Variants in IL22RA1 observed in about 807,000 individuals in gnomAD.
IL22RA1 encodes interleukin 22 receptor subunit alpha 1, also known as interleukin-22 receptor subunit alpha-1.
IL22RA1 carries 25 observed loss-of-function variants against 32.8 expected under a neutral mutation model. The ratio of observed to expected loss-of-function variants is 0.76; its 90% confidence interval spans 0.55 to 1.06. The LOEUF (loss-of-function observed/expected upper bound fraction) is 1.06. Ranked by LOEUF, IL22RA1 falls within the 50% of genes least tolerant of loss-of-function variation. The probability of loss-of-function intolerance (pLI) is 0.00; values close to 1 mark genes in which losing one functional copy is unlikely to be tolerated. For missense variants in IL22RA1, 709 were observed against 727.4 expected, an observed-to-expected ratio of 0.97 and a Z score of 0.29; for synonymous variants, 305 against 305.0, an observed-to-expected ratio of 1.00 and a Z score of 0.00.
chr1:24,134,961 A>C (rs1360853301), intron 3 of IL22RA1: 1 of 330,272 alleles, frequency 3.0e-6, no homozygotes, highest in Non-Finnish European at 4.3e-6. Flanking sequence ...ATATACAAAA[A>C]TCTTGCATCC....
chr1:24,128,896 C>G (rs77177740), intron 4 of IL22RA1, among the ~76,000 whole-genome samples: 2,070 of 152,226 alleles, frequency 0.014, 39 homozygotes, highest in African/African-American at 0.045. Context: ...ATGGCCTCAC[C>G]CATATTTACA....
At position 24,138,627 on chromosome 1, in the gene IL22RA1, C is replaced by A. The variant is rs565339804; in HGVS notation, c.131G>T (p.Gly44Val). The A allele has an allele frequency of 3.7e-6, 6 of 1,614,098 alleles. No individual in the cohort carries two copies. In the South Asian group the frequency reaches 6.6e-5, roughly 18 times the overall value. Reference protein sequence around the residue: ...NFENILTWDSGPEGTPDTVYS... With the variant: ...NFENILTWDSVPEGTPDTVYS... The stretch of plus-strand genomic sequence containing the variant: ...GACCGTGTCTGGGGTGCCCTCCGGC[C>A]CGCTGTCCCACGTCAGGATGTTTTC... The change falls in exon 2 of 7, where the codon GGG becomes GTG. Residue 44 changes from glycine (G) to valine (V), a missense_variant. Physicochemically the swap from Gly to Val is moderately radical, Grantham distance 109. Transcript: ENST00000270800.
chr1:24,122,413 T>G (rs1644131345), intron 6 of IL22RA1, among the ~76,000 whole-genome samples: 1 of 149,002 alleles, frequency 6.7e-6, no homozygotes. Context: ...GGGTGGGGGG[T>G]GGTTCTGGTC....
chr1:24,138,796 C>T, intron 1 of IL22RA1, 82 bp from the exon 2 acceptor site: 1 of 1,500,724 alleles, frequency 6.7e-7, no homozygotes. Context: ...GAGTCCTGCC[C>T]CATATAAATT....
At position 24,128,121 on chromosome 1, in the gene IL22RA1, C is replaced by T. The variant is rs1644177445; in HGVS notation, c.670+20G>A. On this transcript the variant is annotated intron_variant, in intron 5 of 6. Coordinates refer to ENST00000270800, the MANE Select transcript of IL22RA1 (RefSeq NM_021258.4). Reference sequence around the variant, plus strand: ...TTGAATTCGGGAGCCCCACCTCCCTCTGGTTTCAGCCGAACTCACCTGGCA... The same window carrying T: ...TTGAATTCGGGAGCCCCACCTCCCTTTGGTTTCAGCCGAACTCACCTGGCA... 2 of 1,496,994 alleles carry T rather than the reference C, an allele frequency of 1.3e-6. No homozygotes were observed. The highest frequency in any genetic ancestry group is 2.9e-5 in the African/African-American group (2 of 70,098). The allele number at this position is 1,496,994 out of a possible 1,614,324, so 92.7% of individuals were successfully genotyped here.
chr1:24,121,724 A>T lies in IL22RA1; in HGVS notation c.806T>A (p.Val269Asp), dbSNP rs1440726523. Residue 269 changes from valine (V) to aspartate (D), a missense_variant, in exon 7 of 7, where the codon GTC becomes GAC. Physicochemically the swap from Val to Asp is radical, Grantham distance 152. Coordinates refer to ENST00000270800, the MANE Select transcript of IL22RA1 (RefSeq NM_021258.4). ...GAAGCGCAGCGGCTGGAAAGTCAGG[A>T]CTCGCTGGACGTTCTGTGCAGGGAC... ...APPNSLNVQR[V>D]LTFQPLRFIQ... 1.3e-6 allele frequency: 2 copies of T among 1,537,368 alleles called. No individual in the cohort carries two copies. The highest frequency in any genetic ancestry group is 2.7e-5 in the African/African-American group (2 of 73,062).
At chr1:24,122,879 C>A (rs903416319) in intron 6 of IL22RA1, among the ~76,000 whole-genome samples, 1 of 152,298 alleles carries the variant, frequency 6.6e-6, no homozygotes, top group Middle Eastern at 3.4e-3. Context: ...GAAACTCTGG[C>A]TTCTCTTGAA....
At chr1:24,133,595 T>C (rs866804042) in intron 4 of IL22RA1, among the ~76,000 whole-genome samples, 12 of 152,232 alleles carry the variant, frequency 7.9e-5, no homozygotes, top group Non-Finnish European at 1.3e-4. Context: ...CCACATTGCC[T>C]GTATATAGTT....
chr1:24,131,286 G>A (rs74060510), intron 4 of IL22RA1, among the ~76,000 whole-genome samples: 2,341 of 152,314 alleles, frequency 0.015, 78 homozygotes, highest in African/African-American at 0.053. Context: ...GAATAGGCAA[G>A]TAACACCTGA....
chr1:24,132,575 G>C (rs868200184), intron 4 of IL22RA1, among the ~76,000 whole-genome samples: 3 of 151,734 alleles, frequency 2.0e-5, no homozygotes, highest in African/African-American at 7.3e-5. Flanking sequence ...CTCGTGATCC[G>C]CCCGCCTCGG....
rs772297728 is a variant in IL22RA1, at chr1:24,128,247, G to T, written c.564C>A (p.Phe188Leu). Residue 188 changes from phenylalanine (F) to leucine (L), a missense_variant, in exon 5 of 7, where the codon TTC becomes TTA. Physicochemically the swap from Phe to Leu is conservative, Grantham distance 22 (BLOSUM62 0). Transcript: ENST00000270800. The part of the protein sequence containing the change: ...HLGGKQREYE[F>L]FGLTPDTEFL... Reference sequence around the variant, plus strand: ...ACTCTGTGTCAGGGGTCAGGCCGAAGAACTCATATTCTCTCTGCTTCCCTC... The same window carrying T: ...ACTCTGTGTCAGGGGTCAGGCCGAATAACTCATATTCTCTCTGCTTCCCTC... 6.2e-7 allele frequency: 1 copy of T among 1,612,130 alleles called. No homozygotes were observed. The highest frequency in any genetic ancestry group is 1.3e-5 in the African/African-American group (1 of 74,702).
chr1:24,139,269 A>ATTAGTACT (rs1490052865), intron 1 of IL22RA1, among the ~76,000 whole-genome samples: 1 of 152,174 alleles, frequency 6.6e-6, no homozygotes, highest in Non-Finnish European at 1.5e-5. Flanking sequence ...GGTAGCATGG[A>ATTAGTACT]TTAGTACTTC....
intron 3 of IL22RA1, among the ~76,000 whole-genome samples, chr1:24,135,117 A>G (rs1372123028): frequency 1.3e-5 from 2 of 152,230 alleles, no homozygotes; most frequent in African/African-American, 4.8e-5. Flanking sequence ...ACTGAGCTGT[A>G]TGTCCTCAAA....
intron 4 of IL22RA1, among the ~76,000 whole-genome samples, chr1:24,133,272 CTA>C (rs1644219100): frequency 6.6e-6 from 1 of 151,860 alleles, no homozygotes; most frequent in African/African-American, 2.4e-5. Flanking sequence ...TTTTGGCTTC[CTA>C]AAAGTTTTCT....
intron 2 of IL22RA1, 145 bp from the exon 3 acceptor site, chr1:24,137,454 T>C (rs1644250244): frequency 1.5e-6 from 1 of 646,814 alleles, no homozygotes; most frequent in Admixed American, 2.8e-5. Context: ...CTCATTTTGT[T>C]CTCACAATGA....
chr1:24,120,357 C>T lies in IL22RA1; in HGVS notation c.*448G>A, dbSNP rs967686822. The T allele has an allele frequency of 1.9e-5, 3 of 154,928 alleles. No individual in the cohort carries two copies. Among genetic ancestry groups the T allele is most frequent in the Non-Finnish European group, 4.3e-5 (3 of 70,010 alleles). The allele number at this position is 154,928 out of a possible 1,614,324, so 9.6% of individuals were successfully genotyped here. A position where few individuals can be genotyped will look rare whatever the true frequency, so the allele number is the denominator to read the frequency against. ...GCCTGGTTCTTTTCCAGGCTCTCTT[C>T]CCACCTTTGAACAATGACAGAAGAG... is the stretch of plus-strand genomic sequence containing the variant. On this transcript the variant is annotated 3_prime_UTR_variant, in exon 7 of 7. Coordinates refer to ENST00000270800, the MANE Select transcript of IL22RA1 (RefSeq NM_021258.4).
chr1:24,130,259 C>T (rs1644195777), intron 4 of IL22RA1, among the ~76,000 whole-genome samples: 1 of 152,232 alleles, frequency 6.6e-6, no homozygotes, highest in South Asian at 2.1e-4. Context: ...TAGACAGAAA[C>T]CCTTTATTCT....
intron 5 of IL22RA1, among the ~76,000 whole-genome samples, chr1:24,124,177 A>C (rs1428635342): frequency 6.6e-6 from 1 of 152,162 alleles, no homozygotes; most frequent in African/African-American, 2.4e-5. Flanking sequence ...TGCTGGGTGC[A>C]GGGAAAGGCC....
At position 24,121,242 on chromosome 1, in the gene IL22RA1, G is replaced by A. The variant is rs1390557541; in HGVS notation, c.1288C>T (p.Gln430Ter). ...CCAGCTGGTGGCTCTTTCTGAAGCT[G>A]ACCTTTAGGCCTAAGGTGTTTAGGA... Reference protein sequence around the residue: ...SSPKHLRPKGQLQKEPPAGSC... With the variant: ...SSPKHLRPKG The change falls in exon 7 of 7, where the codon CAG becomes TAG. Residue 430 changes from glutamine to a stop codon, truncating the protein, a stop_gained. Coordinates refer to ENST00000270800, the MANE Select transcript of IL22RA1 (RefSeq NM_021258.4). LOFTEE classifies it low-confidence loss of function (END_TRUNC). The A allele has an allele frequency of 6.2e-7, 1 of 1,614,086 alleles. No individual in the cohort carries two copies. Among genetic ancestry groups the A allele is most frequent in the African/African-American group, 1.3e-5 (1 of 74,924 alleles).
Sources: gnomAD v4.1 joint callset for allele counts (sites outside exome capture counted in the v4.1 genomes callset) on GRCh38, gnomAD v4.1.1 for gene constraint, MANE v1.5 for transcripts, NCBI Gene and HGNC (gene_info 2026-07-23, HGNC 2026-07-21) for gene names.